ANKRD30BL: variants seen among roughly 807,000 people sequenced by gnomAD.
The protein encoded by ANKRD30BL is putative ankyrin repeat domain-containing protein 30B-like.
A neutral mutation model predicts 18.4 loss-of-function variants in ANKRD30BL; 20 were observed. That is an observed-to-expected ratio of 1.09 (90% CI 0.77 to 1.58). The LOEUF (loss-of-function observed/expected upper bound fraction) is 1.58. Ranked by LOEUF, ANKRD30BL falls within the 40% of genes most tolerant of loss-of-function variation. The probability of loss-of-function intolerance (pLI) is 0.00; values close to 1 mark genes in which losing one functional copy is unlikely to be tolerated. For missense variants in ANKRD30BL, 224 were observed against 268.6 expected (o/e 0.83, Z 1.16); for synonymous variants, 72 against 100.9 (o/e 0.71, Z 1.72).
chr2:132,238,458 C>T (rs895602563), intron 1 of ANKRD30BL, among the ~76,000 whole-genome samples: 2 of 151,890 alleles, frequency 1.3e-5, no homozygotes, highest in Non-Finnish European at 2.9e-5. Context: ...CACATAAAAA[C>T]AAGACAGAAG....
chr2:132,236,017 C>G (rs890537338), intron 1 of ANKRD30BL, among the ~76,000 whole-genome samples: 6 of 151,986 alleles, frequency 3.9e-5, no homozygotes, highest in African/African-American at 1.4e-4. Context: ...CAGAACAGAG[C>G]CCTCAGAAAT....
In ANKRD30BL at chr2:132,221,164, G is replaced by A. The variant is rs1437507680; in HGVS notation, n.441+36365C>T. Among the ~76,000 whole-genome samples the A allele has an allele frequency of 8.2e-5, 12 of 145,800 alleles. No homozygotes were observed. In the East Asian group the frequency reaches 1.2e-3, roughly 14 times the overall value. The stretch of plus-strand genomic sequence containing the variant: ...TGGGAAGTGAGGAGCATCTCCGCCC[G>A]GCAGCCACCCCATCCGCGAGGGAGG... On this transcript the variant is annotated intron_variant and non_coding_transcript_variant, in intron 1 of 4. Transcript: ENST00000470729.
chr2:132,228,972 A>G (rs973736888), intron 1 of ANKRD30BL, among the ~76,000 whole-genome samples: 3 of 152,088 alleles, frequency 2.0e-5, no homozygotes, highest in Non-Finnish European at 4.4e-5. Context: ...GCATTTTTAG[A>G]AACATCTTTG....
At position 132,242,493 on chromosome 2, in the gene ANKRD30BL, C is replaced by T. The variant is rs139541714; in HGVS notation, n.441+15036G>A. Among the ~76,000 whole-genome samples, 297 of 151,090 alleles carry T rather than the reference C, an allele frequency of 2.0e-3. 2 individuals are homozygous for T. The highest frequency in any genetic ancestry group is 6.7e-3 in the African/African-American group (278 of 41,374). On this transcript the variant is annotated intron_variant and non_coding_transcript_variant, in intron 1 of 4. Transcript: ENST00000470729. ...AACACTGATTTTGTAATATCTGGAA[C>T]TAGACATTTGGAGCGCTTTGTGGCC...
At chr2:132,153,422 G>A (rs571133357) in intron 4 of ANKRD30BL, 4 of 402,108 alleles carry the variant, frequency 9.9e-6, no homozygotes, top group Non-Finnish European at 2.0e-5. Flanking sequence ...AAAGAATCCT[G>A]GAGCCATTAA....
At chr2:132,249,909 C>T (rs113288792) in intron 1 of ANKRD30BL, among the ~76,000 whole-genome samples, 314 of 125,654 alleles carry the variant, frequency 2.5e-3, no homozygotes, top group South Asian at 3.6e-3. Flanking sequence ...TGAAAAGAAA[C>T]ATTTACCTCT....
At position 132,222,047 on chromosome 2, in the gene ANKRD30BL, G is replaced by T. The variant is rs1178040541; in HGVS notation, n.441+35482C>A. Among the ~76,000 whole-genome samples, 258 of 126,226 alleles carry T rather than the reference G, an allele frequency of 2.0e-3. 6 individuals carry two copies. The highest frequency in any genetic ancestry group is 7.6e-3 in the African/African-American group (240 of 31,590). The allele number at this position is 126,226 out of a possible 152,430, so 82.8% of individuals were successfully genotyped here. ...CCACCCTGTCCGGGAGGGAGGCGGGGGGGGGGGTCGGCCAGCCGCCCCGTC... is the reference window on the plus strand; with the variant it reads ...CCACCCTGTCCGGGAGGGAGGCGGGTGGGGGGGTCGGCCAGCCGCCCCGTC... On this transcript the variant is annotated intron_variant and non_coding_transcript_variant, in intron 1 of 4. Coordinates refer to the ANKRD30BL transcript ENST00000470729.
intron 1 of ANKRD30BL, among the ~76,000 whole-genome samples, chr2:132,231,878 T>C (rs1680028336): frequency 6.6e-6 from 1 of 152,222 alleles, no homozygotes; most frequent in South Asian, 2.1e-4. Context: ...GCTCCACCTC[T>C]GGGGGAAGGG....
chr2:132,162,287 A>G (rs1358313830), upstream of ANKRD30BL, among the ~76,000 whole-genome samples: 2 of 152,114 alleles, frequency 1.3e-5, no homozygotes, highest in African/African-American at 2.4e-5. Context: ...TGGCCCAAGT[A>G]TCCGCGCGGC....
chr2:132,161,751 C>T lies in ANKRD30BL; in HGVS notation c.-46G>A, dbSNP rs779643167. The T allele has an allele frequency of 1.1e-6, 1 of 893,974 alleles. No homozygotes were observed. The highest frequency in any genetic ancestry group is 1.7e-5 in the African/African-American group (1 of 60,346). 55.4% of individuals were successfully genotyped at this position (893,974 alleles called of 1,614,324 possible). A position where few individuals can be genotyped will look rare whatever the true frequency, so the allele number is the denominator to read the frequency against. On this transcript the variant is annotated 5_prime_UTR_variant, in exon 1 of 6. Coordinates refer to ENST00000409867, the MANE Select transcript of ANKRD30BL (RefSeq NM_001358416.1). ...GAGAGCCCGTGCCTCCCGCTGCTCG[C>T]CCTTCCCCAGTCCCCGCCGCTCGCC...
chr2:132,214,128 T>C (rs148156348), intron 1 of ANKRD30BL, among the ~76,000 whole-genome samples: 1 of 152,226 alleles, frequency 6.6e-6, no homozygotes, highest in African/African-American at 2.4e-5. Flanking sequence ...TTTGGAGCAC[T>C]TTGAGACCTA....
At chr2:132,164,269 CTT>C (rs796313755), upstream of ANKRD30BL, among the ~76,000 whole-genome samples, 20,621 of 111,060 alleles carry the variant, frequency 0.19, 1,733 homozygotes, top group South Asian at 0.24. Flanking sequence ...TTTTCTTTTT[CTT>C]TTTTTTTTTT....
chr2:132,252,857 C>G (rs986185737), intron 1 of ANKRD30BL, among the ~76,000 whole-genome samples: 1 of 152,194 alleles, frequency 6.6e-6, no homozygotes, highest in Non-Finnish European at 1.5e-5. Flanking sequence ...GAACCCAGAC[C>G]GTGATGGTGG....
At chr2:132,190,284 G>A (rs889971450) in intron 1 of ANKRD30BL, among the ~76,000 whole-genome samples, 2 of 152,000 alleles carry the variant, frequency 1.3e-5, no homozygotes, top group Non-Finnish European at 2.9e-5. Flanking sequence ...GGATGACAAG[G>A]TTTCAATTTG....
chr2:132,253,610 C>G (rs533096533), intron 1 of ANKRD30BL, among the ~76,000 whole-genome samples: 1 of 152,132 alleles, frequency 6.6e-6, no homozygotes, highest in Admixed American at 6.5e-5. Flanking sequence ...AGTGGCGACA[C>G]GCAAGTGTGG....
intron 1 of ANKRD30BL, among the ~76,000 whole-genome samples, chr2:132,208,146 A>G (rs2104754079): frequency 6.6e-6 from 1 of 152,258 alleles, no homozygotes; most frequent in East Asian, 1.9e-4. Context: ...TTGTAGATCC[A>G]CTTGTACTGC....
chr2:132,200,182 A>C (rs1417859793), intron 1 of ANKRD30BL, among the ~76,000 whole-genome samples: 116 of 151,950 alleles, frequency 7.6e-4, no homozygotes, highest in Non-Finnish European at 3.7e-4. Flanking sequence ...CCCACAGCCA[A>C]TATCATACTG....
At chr2:132,255,887 C>A (rs1470422331) in intron 1 of ANKRD30BL, among the ~76,000 whole-genome samples, 2 of 152,108 alleles carry the variant, frequency 1.3e-5, no homozygotes. Context: ...TGCGATTGGC[C>A]CGAGGTTATC....
At chr2:132,155,551 T>C (rs1277259965) in intron 3 of ANKRD30BL, 1 of 152,124 alleles carries the variant, frequency 6.6e-6, no homozygotes, top group African/African-American at 2.4e-5. Flanking sequence ...TATTAAATGG[T>C]CCATGGGGTT....
Sources: allele counts gnomAD v4.1 joint callset (sites outside exome capture counted in the v4.1 genomes callset), GRCh38; gene constraint gnomAD v4.1.1; transcripts MANE v1.5; gene names NCBI Gene and HGNC (gene_info 2026-07-23, HGNC 2026-07-21).